TRPC4AP: variants seen among roughly 807,000 people sequenced by gnomAD.
The protein encoded by TRPC4AP is short transient receptor potential channel 4-associated protein.
In TRPC4AP, 45 loss-of-function variants were observed where a neutral mutation model predicts 99.0. The observed-to-expected ratio is 0.45, with a 90% CI of 0.36 to 0.58. TRPC4AP has a LOEUF of 0.58. TRPC4AP is among the 20% of genes least tolerant of loss of function. The pLI is 0.00. For synonymous variants in TRPC4AP, 408 were observed against 385.8 expected, an observed-to-expected ratio of 1.06 and a Z score of -0.67; for missense variants, 879 against 985.3, an observed-to-expected ratio of 0.89 and a Z score of 1.44.
intron 8 of TRPC4AP, among the ~76,000 whole-genome samples, chr20:35,024,727 G>C (rs2082978584): frequency 6.7e-6 from 1 of 149,900 alleles, no homozygotes. Context: ...TACTCGGGAG[G>C]CTGAGGTAGA....
chr20:35,056,666 G>A (rs1404008699), intron 4 of TRPC4AP, among the ~76,000 whole-genome samples: 1 of 152,004 alleles, frequency 6.6e-6, no homozygotes, highest in Admixed American at 6.6e-5. Context: ...AGAGTAAAGT[G>A]CATTCACTTT....
Position 35,035,282 on chromosome 20 carries a change from C to T in TRPC4AP, c.892G>A (p.Val298Ile). The T allele has an allele frequency of 6.2e-7, 1 of 1,613,990 alleles. No individual in the cohort carries two copies. The highest frequency in any genetic ancestry group is 2.2e-5 in the East Asian group (1 of 44,880). Reference protein sequence around the residue: ...QAALLSIPGFVERLCKLATRK... With the variant: ...QAALLSIPGFIERLCKLATRK... The stretch of plus-strand genomic sequence containing the variant: ...GTCGCCAGTTTGCAAAGCCGCTCAA[C>T]AAAGCCAGGAATGCTGAGAAGGGCC... Residue 298 changes from valine (V) to isoleucine (I), a missense_variant, in exon 8 of 19, where the codon GTT becomes ATT. Val to Ile is a conservative substitution (Grantham distance 29, BLOSUM62 3). Transcript: ENST00000252015.
chr20:35,019,093 C>A (rs2082825856), intron 9 of TRPC4AP, among the ~76,000 whole-genome samples: 1 of 152,230 alleles, frequency 6.6e-6, no homozygotes, highest in African/African-American at 2.4e-5. Flanking sequence ...CTTGGCCCAA[C>A]TGCTCATTAA....
chr20:35,032,752 G>A (rs568896877), intron 8 of TRPC4AP, among the ~76,000 whole-genome samples: 198 of 152,284 alleles, frequency 1.3e-3, no homozygotes, highest in African/African-American at 4.5e-3. Context: ...GATTACAGGT[G>A]TGAGCCAACG....
chr20:35,018,604 G>GAAAAAAAAAAAAAAAAAAA (rs11479211), intron 9 of TRPC4AP, among the ~76,000 whole-genome samples: 3 of 88,946 alleles, frequency 3.4e-5, no homozygotes, highest in Admixed American at 1.4e-4. Flanking sequence ...CTCAAAAAAA[G>GAAAAAAAAAAAAAAAAAAA]AAAAAAAAAA....
intron 8 of TRPC4AP, among the ~76,000 whole-genome samples, chr20:35,021,925 G>A (rs151095089): frequency 6.6e-6 from 1 of 152,274 alleles, no homozygotes; most frequent in East Asian, 1.9e-4. Flanking sequence ...TTATCTACAG[G>A]CAGATTTTCA....
At chr20:35,011,718 G>C (rs142083142) in intron 11 of TRPC4AP, among the ~76,000 whole-genome samples, 2 of 152,286 alleles carry the variant, frequency 1.3e-5, no homozygotes, top group East Asian at 3.9e-4. Flanking sequence ...TGGCCACAAT[G>C]GTCTTCCCTC....
At chr20:35,010,034 G>A (rs959370632) in intron 12 of TRPC4AP, among the ~76,000 whole-genome samples, 153 bp downstream of exon 12, 7 of 152,234 alleles carry the variant, frequency 4.6e-5, no homozygotes, top group Non-Finnish European at 7.3e-5. Flanking sequence ...CAGGTGACAT[G>A]AATACAATGC....
At chr20:35,029,990 C>T (rs1168698483) in intron 8 of TRPC4AP, among the ~76,000 whole-genome samples, 6 of 146,162 alleles carry the variant, frequency 4.1e-5, no homozygotes, top group Non-Finnish European at 9.0e-5. Flanking sequence ...ACCCGTAATC[C>T]CAGCACTTTG....
At chr20:35,023,223 G>C (rs571042870) in intron 8 of TRPC4AP, among the ~76,000 whole-genome samples, 6 of 152,224 alleles carry the variant, frequency 3.9e-5, no homozygotes, top group Non-Finnish European at 5.9e-5. Context: ...TCACTAGCCG[G>C]GTGGTCTTCA....
At chr20:35,025,018 A>T (rs926619121) in intron 8 of TRPC4AP, among the ~76,000 whole-genome samples, 1 of 152,004 alleles carries the variant, frequency 6.6e-6, no homozygotes, top group African/African-American at 2.4e-5. Flanking sequence ...GCCCTATGAC[A>T]TAACTGTATG....
At chr20:35,064,631 T>TG (rs1464679299) in intron 3 of TRPC4AP, among the ~76,000 whole-genome samples, 1 of 152,220 alleles carries the variant, frequency 6.6e-6, no homozygotes, top group African/African-American at 2.4e-5. Flanking sequence ...TAACTGCACT[T>TG]GCAGGAGGGA....
At chr20:35,006,162 G>A (rs1021442076) in intron 15 of TRPC4AP, among the ~76,000 whole-genome samples, 5 of 151,976 alleles carry the variant, frequency 3.3e-5, no homozygotes, top group South Asian at 2.1e-4. Flanking sequence ...GGCTCCCACC[G>A]TGGCACCCAC....
At chr20:35,075,446 A>C (rs895132461) in intron 2 of TRPC4AP, among the ~76,000 whole-genome samples, 3 of 152,184 alleles carry the variant, frequency 2.0e-5, no homozygotes, top group Non-Finnish European at 4.4e-5. Context: ...CTTGTAAGGC[A>C]GGCCTGGTGG....
At chr20:35,021,408 T>C (rs755835890) in intron 8 of TRPC4AP, 52 bp from the exon 9 acceptor site, 4 of 1,591,798 alleles carry the variant, frequency 2.5e-6, no homozygotes, top group East Asian at 4.5e-5. Flanking sequence ...AGGAAACACG[T>C]TTCTGCCCCT....
chr20:35,029,721 C>T (rs1202067651), intron 8 of TRPC4AP, among the ~76,000 whole-genome samples: 5 of 145,294 alleles, frequency 3.4e-5, no homozygotes, highest in African/African-American at 1.3e-4. Context: ...CTGCAAGCTC[C>T]GCCTCCTGGG....
At chr20:35,005,133 C>A (rs564266889) in intron 16 of TRPC4AP, among the ~76,000 whole-genome samples, 1 of 152,130 alleles carries the variant, frequency 6.6e-6, no homozygotes, top group African/African-American at 2.4e-5. Context: ...GAAACAGACC[C>A]TCTGGGGCAG....
intron 8 of TRPC4AP, among the ~76,000 whole-genome samples, chr20:35,029,567 T>G (rs1335423025): frequency 6.6e-6 from 1 of 151,684 alleles, no homozygotes; most frequent in African/African-American, 2.4e-5. Flanking sequence ...TGATTAATAT[T>G]TTCTAGTATA....
At chr20:35,066,790 T>C (rs960817972) in intron 3 of TRPC4AP, among the ~76,000 whole-genome samples, 4 of 151,376 alleles carry the variant, frequency 2.6e-5, no homozygotes, top group Admixed American at 2.0e-4. Flanking sequence ...ACATCAAAAT[T>C]TAATTCTCAA....
Sources: gnomAD v4.1 joint callset for allele counts (sites outside exome capture counted in the v4.1 genomes callset) on GRCh38, gnomAD v4.1.1 for gene constraint, MANE v1.5 for transcripts, NCBI Gene and HGNC (gene_info 2026-07-23, HGNC 2026-07-21) for gene names.